The following ZBBX variants were observed in gnomAD, a reference collection of about 807,000 sequenced individuals.
ZBBX encodes the protein zinc finger B-box domain containing, also known as zinc finger B-box domain-containing protein 1.
Under a neutral mutation model 108.5 loss-of-function variants are expected in ZBBX, and 101 were observed. The ratio of observed to expected loss-of-function variants is 0.93; its 90% CI spans 0.79 to 1.10. ZBBX has a LOEUF of 1.10. Among genes scored for constraint, ZBBX ranks in the 50% least tolerant of loss-of-function variants. ZBBX has a pLI of 0.00. For synonymous variants in ZBBX, 356 were observed against 323.4 expected (o/e 1.10, Z -1.08); for missense variants, 1,009 against 941.4 (o/e 1.07, Z -0.94).
chr3:167,314,871 G>A (rs115611480), intron 15 of ZBBX, among the ~76,000 whole-genome samples: 2,086 of 152,260 alleles, frequency 0.014, 26 homozygotes, highest in South Asian at 0.026. Flanking sequence ...AAAAGAATCC[G>A]ATTAGAGAAC....
intron 1 of ZBBX, among the ~76,000 whole-genome samples, chr3:167,405,895 C>A (rs746976871): frequency 1.4e-4 from 22 of 152,050 alleles, no homozygotes; most frequent in Non-Finnish European, 2.8e-4. Context: ...CATGGTGAAA[C>A]CCCGTCTCTA....
chr3:167,337,512 C>A (rs938073829), intron 9 of ZBBX, among the ~76,000 whole-genome samples: 1 of 151,878 alleles, frequency 6.6e-6, no homozygotes, highest in Non-Finnish European at 1.5e-5. Context: ...GAGTGAGACT[C>A]CATCTCAGAA....
chr3:167,329,015 G>T (rs1737910660), intron 10 of ZBBX, among the ~76,000 whole-genome samples: 1 of 152,122 alleles, frequency 6.6e-6, no homozygotes, highest in Non-Finnish European at 1.5e-5. Flanking sequence ...GCCAAGACCT[G>T]TGCCTGGCAC....
At chr3:167,325,993 C>A (rs547667844) in intron 11 of ZBBX, among the ~76,000 whole-genome samples, 3 of 152,190 alleles carry the variant, frequency 2.0e-5, no homozygotes, top group East Asian at 1.9e-4. Flanking sequence ...GCCAGTTTGA[C>A]AATATTCATT....
the ZBBX span, among the ~76,000 whole-genome samples, chr3:167,209,225 A>T: frequency 6.7e-6 from 1 of 148,392 alleles, no homozygotes; most frequent in Non-Finnish European, 1.5e-5. Context: ...GTAGAGCCCT[A>T]CAGCCTTGAG....
chr3:167,220,329 A>T, the ZBBX span, among the ~76,000 whole-genome samples: 20 of 152,150 alleles, frequency 1.3e-4, no homozygotes, highest in African/African-American at 4.8e-4. Context: ...CGATGCAAAA[A>T]TCCTCAACAA....
the ZBBX span, among the ~76,000 whole-genome samples, chr3:167,207,279 A>G: frequency 6.6e-6 from 1 of 152,216 alleles, no homozygotes; most frequent in Admixed American, 6.5e-5. Context: ...CAAAGAAACA[A>G]ATAACCTGAT....
upstream of ZBBX, among the ~76,000 whole-genome samples, chr3:167,382,257 A>G (rs1265467483): frequency 1.3e-5 from 2 of 152,222 alleles, no homozygotes; most frequent in Non-Finnish European, 2.9e-5. Flanking sequence ...GCTAAGTCAC[A>G]TAGTAAAATA....
In ZBBX at chr3:167,377,814, G is replaced by A. The variant is rs907946773; in HGVS notation, c.-132+1824C>T. ...TCATAGCAAAAGCTCTAAAAGTAAA[G>A]CAGGTATTGATATAGTTTGGCTGTG... On this transcript the variant is annotated intron_variant, in intron 2 of 21. Coordinates refer to ENST00000675490, the MANE Select transcript of ZBBX (RefSeq NM_001199201.2). Among the ~76,000 whole-genome samples, 3 of 152,020 alleles carry A rather than the reference G, an allele frequency of 2.0e-5. No homozygotes were observed. In the South Asian group the frequency reaches 6.2e-4, roughly 32 times the overall value.
chr3:167,330,171 G>A (rs1206793908), intron 10 of ZBBX, among the ~76,000 whole-genome samples: 1 of 152,110 alleles, frequency 6.6e-6, no homozygotes, highest in East Asian at 1.9e-4. Flanking sequence ...GTTGTAGGAT[G>A]TACTTATGTG....
At chr3:167,400,600 C>G (rs144460188) in intron 1 of ZBBX, among the ~76,000 whole-genome samples, 1 of 152,060 alleles carries the variant, frequency 6.6e-6, no homozygotes, top group Non-Finnish European at 1.5e-5. Context: ...GTACCGTGAA[C>G]TCCAAATATA....
intron 17 of ZBBX, among the ~76,000 whole-genome samples, chr3:167,298,964 T>C (rs1732148635): frequency 6.6e-6 from 1 of 152,042 alleles, no homozygotes; most frequent in Non-Finnish European, 1.5e-5. Context: ...AAGAGGAAGA[T>C]AAGTAATTTA....
At chr3:167,374,271 T>G (rs557345679) in intron 2 of ZBBX, among the ~76,000 whole-genome samples, 16 of 152,282 alleles carry the variant, frequency 1.1e-4, no homozygotes, top group Non-Finnish European at 2.2e-4. Context: ...TAGCATATTT[T>G]AGAAAGAATT....
the ZBBX span, among the ~76,000 whole-genome samples, chr3:167,201,399 C>CA: frequency 0.013 from 2,026 of 152,194 alleles, 22 homozygotes; most frequent in South Asian, 0.026. Context: ...CTTCTTTCCA[C>CA]ATACTAAAAT....
intron 2 of ZBBX, among the ~76,000 whole-genome samples, chr3:167,377,550 A>G (rs1013401662): frequency 6.6e-6 from 1 of 152,194 alleles, no homozygotes; most frequent in African/African-American, 2.4e-5. Flanking sequence ...ATTTAGTACC[A>G]TAGTACTTAG....
At chr3:167,180,733 A>G in the ZBBX span, among the ~76,000 whole-genome samples, 2 of 152,244 alleles carry the variant, frequency 1.3e-5, no homozygotes, top group Non-Finnish European at 2.9e-5. Context: ...TACCGCAGGA[A>G]TTGTAAACGC....
chr3:167,251,658 G>A (rs1465991801), intron 20 of ZBBX, among the ~76,000 whole-genome samples: 1 of 152,114 alleles, frequency 6.6e-6, no homozygotes, highest in Non-Finnish European at 1.5e-5. Context: ...TGTGTGGAGA[G>A]AGAGATAAGT....
At chr3:167,330,964 T>TCTCTCTCTCTCTCTCTCTCCCC (rs1310209358) in intron 10 of ZBBX, among the ~76,000 whole-genome samples, 1 of 145,830 alleles carries the variant, frequency 6.9e-6, no homozygotes, top group African/African-American at 2.5e-5. Context: ...TCTCTCTCTC[T>TCTCTCTCTCTCTCTCTCTCCCC]CCCCCACTCC....
chr3:167,349,398 G>A (rs1361402121), intron 9 of ZBBX, among the ~76,000 whole-genome samples: 2 of 151,970 alleles, frequency 1.3e-5, no homozygotes, highest in East Asian at 1.9e-4. Context: ...GAAGTAGCAG[G>A]TTGGTTTTTG....
Sources: gnomAD v4.1 joint callset for allele counts (sites outside exome capture counted in the v4.1 genomes callset) on GRCh38, gnomAD v4.1.1 for gene constraint, MANE v1.5 for transcripts, NCBI Gene and HGNC (gene_info 2026-07-23, HGNC 2026-07-21) for gene names.